Variants in ADAM12 observed in about 807,000 individuals in gnomAD.
ADAM12 encodes the protein ADAM metallopeptidase domain 12, also known as disintegrin and metalloproteinase domain-containing protein 12.
In ADAM12, 70 loss-of-function variants were observed where a neutral mutation model predicts 106.4. That is an observed-to-expected ratio of 0.66 (90% CI 0.54 to 0.80). The LOEUF is 0.80. Among genes scored for constraint, ADAM12 ranks in the 30% least tolerant of loss-of-function variants. The pLI is 0.00. For synonymous variants in ADAM12, 420 were observed against 433.5 expected (o/e 0.97, Z 0.39); for missense variants, 1,010 against 1,171.9 (o/e 0.86, Z 2.02).
At chr10:126,035,177 A>G (rs1262071064) in intron 21 of ADAM12, among the ~76,000 whole-genome samples, 1 of 152,184 alleles carries the variant, frequency 6.6e-6, no homozygotes, top group Non-Finnish European at 1.5e-5. Flanking sequence ...AGACAATAAC[A>G]ATGTGGGAAC....
chr10:126,334,863 G>A (rs1039812571), intron 1 of ADAM12, among the ~76,000 whole-genome samples: 2 of 152,138 alleles, frequency 1.3e-5, no homozygotes, highest in African/African-American at 4.8e-5. Flanking sequence ...CAGTGAAGAG[G>A]GGACATCTTG....
rs78844210 is a variant in ADAM12, at chr10:126,123,707, C to T, written c.417-5483G>A. 1.2e-3 allele frequency among the ~76,000 whole-genome samples: 189 copies of T among 152,324 alleles called. 1 individual carries two copies. The East Asian group carries it at 0.033, about 27-fold the overall frequency. ...TGGGGACCCAGGCGGGACCTGTGTG[C>T]CCCGGGCTTGGGCCTCTCAACCCCA... On this transcript the variant is annotated intron_variant, in intron 5 of 22. Coordinates refer to ENST00000448723, the MANE Select transcript of ADAM12 (RefSeq NM_001288973.2).
chr10:126,071,700 G>T (rs778933311), intron 11 of ADAM12, 46 bp from the exon 12 acceptor site: 147 of 1,597,640 alleles, frequency 9.2e-5, no homozygotes, highest in Middle Eastern at 1.7e-4. Context: ...GCATGGAATG[G>T]CTTTGTCTGC....
intron 8 of ADAM12, among the ~76,000 whole-genome samples, chr10:126,106,715 A>G (rs990571743): frequency 1.3e-5 from 2 of 151,522 alleles, no homozygotes; most frequent in Admixed American, 1.3e-4. Context: ...CGATCTCTTG[A>G]CCTCGTGATC....
intron 18 of ADAM12, among the ~76,000 whole-genome samples, chr10:126,042,759 G>A (rs1198667794): frequency 6.6e-6 from 1 of 152,204 alleles, no homozygotes; most frequent in African/African-American, 2.4e-5. Context: ...CCATTCAGCA[G>A]TTCACTATAG....
chr10:126,173,741 T>G (rs940104124), intron 3 of ADAM12, among the ~76,000 whole-genome samples: 3 of 151,840 alleles, frequency 2.0e-5, no homozygotes, highest in Non-Finnish European at 2.9e-5. Flanking sequence ...TCCTGAGGAG[T>G]ATAGCAGAGT....
intron 14 of ADAM12, among the ~76,000 whole-genome samples, chr10:126,055,895 G>C (rs1590346378): frequency 6.6e-6 from 1 of 152,214 alleles, no homozygotes; most frequent in East Asian, 1.9e-4. Context: ...CATGCTTAGT[G>C]AGATTTCCCT....
At chr10:126,280,168 TAAAGTA>T (rs1959499483) in intron 2 of ADAM12, among the ~76,000 whole-genome samples, 1 of 152,010 alleles carries the variant, frequency 6.6e-6, no homozygotes, top group African/African-American at 2.4e-5. Flanking sequence ...AATAATTAGT[TAAAGTA>T]AAACAGAATT....
intron 2 of ADAM12, among the ~76,000 whole-genome samples, chr10:126,288,733 C>T (rs769323084): frequency 2.7e-5 from 4 of 148,404 alleles, no homozygotes; most frequent in Non-Finnish European, 5.9e-5. Flanking sequence ...GCCCTAGGGA[C>T]AGGACCGTGT....
intron 3 of ADAM12, among the ~76,000 whole-genome samples, chr10:126,243,966 G>A (rs563191628): frequency 1.1e-4 from 17 of 152,284 alleles, no homozygotes; most frequent in East Asian, 3.9e-4. Flanking sequence ...ATCAAAATCC[G>A]GGGGATGACA....
chr10:126,234,641 C>T (rs902054544), intron 3 of ADAM12, among the ~76,000 whole-genome samples: 2 of 152,210 alleles, frequency 1.3e-5, no homozygotes, highest in African/African-American at 4.8e-5. Context: ...GAAACACACA[C>T]GCATCCTGAC....
chr10:126,376,738 G>C (rs1230127577), intron 1 of ADAM12, among the ~76,000 whole-genome samples: 4 of 152,140 alleles, frequency 2.6e-5, no homozygotes, highest in Non-Finnish European at 5.9e-5. Context: ...GTATTTTGCA[G>C]AACTTAGCAA....
chr10:126,333,287 G>T (rs2133856001), intron 1 of ADAM12, among the ~76,000 whole-genome samples: 2 of 152,352 alleles, frequency 1.3e-5, no homozygotes, highest in Non-Finnish European at 2.9e-5. Context: ...CAGAGAAAGA[G>T]TTCCAAAACT....
At chr10:126,129,940 C>T (rs979882530) in intron 5 of ADAM12, among the ~76,000 whole-genome samples, 2 of 152,174 alleles carry the variant, frequency 1.3e-5, no homozygotes, top group Non-Finnish European at 2.9e-5. Context: ...CCTCCTTCTT[C>T]TATGTTCTAG....
intron 1 of ADAM12, among the ~76,000 whole-genome samples, chr10:126,350,628 G>C (rs1218323524): frequency 6.6e-6 from 1 of 152,236 alleles, no homozygotes; most frequent in Non-Finnish European, 1.5e-5. Context: ...TCTGTTGTCA[G>C]TGGCAGTCTT....
chr10:126,080,747 G>GA (rs142251362), intron 11 of ADAM12, among the ~76,000 whole-genome samples: 18,623 of 151,970 alleles, frequency 0.12, 1,462 homozygotes, highest in African/African-American at 0.21. Context: ...TGATTTTGGG[G>GA]AAAAAAACAC....
In ADAM12 at chr10:126,278,838, A is replaced by G. The variant is rs1273329880; in HGVS notation, c.260+77T>C. ...TTTCGTTCTTTGTTTCTAAACCCCA[A>G]CATAAATCACAGAGCACTTTTCTGT... is the stretch of plus-strand genomic sequence containing the variant. On this transcript the variant is annotated intron_variant, in intron 3 of 22. Transcript: ENST00000448723. 15 of 1,137,662 alleles carry G rather than the reference A, an allele frequency of 1.3e-5. No homozygotes were observed. In the East Asian group the frequency reaches 3.9e-4, roughly 29 times the overall value. 70.5% of individuals were successfully genotyped at this position (1,137,662 alleles called of 1,614,324 possible). A position where few individuals can be genotyped will look rare whatever the true frequency, so the allele number is the denominator to read the frequency against.
chr10:126,158,925 G>C (rs1956881546), intron 3 of ADAM12, among the ~76,000 whole-genome samples: 1 of 151,524 alleles, frequency 6.6e-6, no homozygotes, highest in African/African-American at 2.4e-5. Flanking sequence ...AGCATGGAGG[G>C]GGGATGCACA....
intron 21 of ADAM12, among the ~76,000 whole-genome samples, chr10:126,020,350 C>G (rs977401133): frequency 6.6e-6 from 1 of 151,986 alleles, no homozygotes; most frequent in Admixed American, 6.6e-5. Flanking sequence ...TGAAGTTCTT[C>G]CACTAGATAC....
Sources: gnomAD v4.1 joint callset for allele counts (sites outside exome capture counted in the v4.1 genomes callset) on GRCh38, gnomAD v4.1.1 for gene constraint, MANE v1.5 for transcripts, NCBI Gene and HGNC (gene_info 2026-07-23, HGNC 2026-07-21) for gene names.